Variants in SON observed in about 807,000 individuals in gnomAD.
The protein encoded by SON is protein SON.
In SON, 4 loss-of-function variants were observed where a neutral mutation model predicts 173.3. The ratio of observed to expected loss-of-function variants is 0.02; its 90% CI spans 0.01 to 0.05. The LOEUF is 0.05. SON is among the 10% of genes least tolerant of loss of function. The pLI is 1.00. For missense variants in SON, 2,626 were observed against 3,055.3 expected (o/e 0.86, Z 3.31); for synonymous variants, 1,190 against 1,105.9 (o/e 1.08, Z -1.51).
At chr21:33,573,889 A>G (rs192517985) in intron 9 of SON, among the ~76,000 whole-genome samples, 73 of 152,226 alleles carry the variant, frequency 4.8e-4, no homozygotes, top group Non-Finnish European at 3.1e-4. Context: ...TCTAGATTTC[A>G]TAAACCCTGT....
rs2086040665 is a variant in SON, at chr21:33,559,960, A to G, written c.6657+185A>G. 6.2e-7 allele frequency: 1 copy of G among 1,614,164 alleles called. No individual in the cohort carries two copies. The highest frequency in any genetic ancestry group is 1.3e-5 in the African/African-American group (1 of 75,050). On this transcript the variant is annotated intron_variant, in intron 6 of 11. Coordinates refer to ENST00000356577, the MANE Select transcript of SON (RefSeq NM_138927.4). This position sits in a 1 kb window ranked among gnomAD's most constrained non-coding sequence, Gnocchi z 4.1. ...ATTTGACAGTAACTCGATGCAATTCACTTTGTGGAACCAAGCCACAAAGTG... is the reference window on the plus strand; with the variant it reads ...ATTTGACAGTAACTCGATGCAATTCGCTTTGTGGAACCAAGCCACAAAGTG...
chr21:33,560,026 A>G, intron 6 of SON: 1 of 1,614,140 alleles, frequency 6.2e-7, no homozygotes, highest in Non-Finnish European at 8.5e-7. Context: ...TCACATCCCT[A>G]CCCAACATTG....
chr21:33,575,525 A>C, intron 9 of SON, 71 bp from the exon 10 acceptor site: 1 of 1,078,248 alleles, frequency 9.3e-7, no homozygotes, highest in Non-Finnish European at 1.4e-6. Context: ...TGAGGTTCAG[A>C]CTCCTACAGA....
At position 33,550,716 on chromosome 21, in the gene SON, T is replaced by C; in HGVS notation, c.1485T>C (p.Pro495=). The C allele has an allele frequency of 6.2e-7, 1 of 1,614,132 alleles. No homozygotes were observed. Among genetic ancestry groups the C allele is most frequent in the Non-Finnish European group, 8.5e-7 (1 of 1,180,018 alleles). The change falls in exon 3 of 12, where the codon CCT becomes CCC. Residue 495 remains proline (P), a synonymous_variant. Transcript: ENST00000356577. The part of the protein sequence containing the change: ...VTAAVELPEQ[P]AVTVAMELTE... ...CAGCAGTAGAGTTGCCAGAGCAGCC[T>C]GCGGTAACAGTAGCAATGGAGTTGA...
chr21:33,562,292 C>T (rs2086084570), intron 6 of SON, among the ~76,000 whole-genome samples: 1 of 151,996 alleles, frequency 6.6e-6, no homozygotes, highest in Admixed American at 6.6e-5. Flanking sequence ...CTTTTGATTC[C>T]TTGTTAGAGT....
intron 6 of SON, among the ~76,000 whole-genome samples, chr21:33,566,116 C>T (rs1249151110): frequency 6.6e-6 from 1 of 152,030 alleles, no homozygotes; most frequent in Non-Finnish European, 1.5e-5. Context: ...CTGACTTCCC[C>T]GTATTTGTTA....
intron 6 of SON, 97 bp from the exon 7 acceptor site, chr21:33,567,060 T>C (rs541132887): frequency 6.4e-6 from 4 of 621,102 alleles, no homozygotes; most frequent in Admixed American, 2.7e-5. Flanking sequence ...AAGACTATTA[T>C]TTTGTTTTTG....
chr21:33,573,492 C>T, intron 9 of SON, 37 bp downstream of exon 9: 1 of 1,570,328 alleles, frequency 6.4e-7, no homozygotes, highest in Non-Finnish European at 8.7e-7. Flanking sequence ...ATTAACGTCT[C>T]CTTTAACATT....
In SON at chr21:33,554,464, C is replaced by T; in HGVS notation, c.5233C>T (p.Leu1745Phe). The T allele has an allele frequency of 1.2e-6, 2 of 1,614,154 alleles. No individual in the cohort carries two copies. The highest frequency in any genetic ancestry group is 1.7e-6 in the Non-Finnish European group (2 of 1,180,028). The change falls in exon 3 of 12, where the codon CTT (leucine) becomes TTT (phenylalanine). Residue 1745 changes from leucine (L) to phenylalanine (F), a missense_variant. Physicochemically the swap from Leu to Phe is conservative, Grantham distance 22. Around this residue, in one of 13 missense-constraint regions of SON, gnomAD observed 1,006 missense variants for 895.6 expected, o/e 1.12. Coordinates refer to ENST00000356577, the MANE Select transcript of SON (RefSeq NM_138927.4). ...GTTACTTCCTAAGGACATGGAACGT[C>T]TTACAAGCCTTAGAGCTGGCATTGA... Reference protein sequence around the residue: ...RPLLPKDMERLTSLRAGIEGP... With the variant: ...RPLLPKDMERFTSLRAGIEGP...
In SON at chr21:33,554,910, A is replaced by T; in HGVS notation, c.5679A>T (p.Arg1893Ser). Reference protein sequence around the residue: ...RRSVSKEKRKRSPKHRSKSRE... With the variant: ...RRSVSKEKRKSSPKHRSKSRE... ...CTGTATCAAAAGAGAAGCGCAAAAG[A>T]TCTCCAAAGCACAGATCCAAGTCTA... The change falls in exon 3 of 12, where the codon AGA becomes AGT. Residue 1893 changes from arginine (R) to serine (S), a missense_variant. Arg to Ser is a moderately radical substitution (Grantham distance 110). This residue lies in a region of SON where 1,006 missense variants were observed against 895.6 expected (regional missense o/e 1.12). Transcript: ENST00000356577. 2 of 1,614,174 alleles carry T rather than the reference A, an allele frequency of 1.2e-6. No homozygotes were observed. The highest frequency in any genetic ancestry group is 1.7e-6 in the Non-Finnish European group (2 of 1,180,028).
At chr21:33,567,333 T>C (rs1331721259) in intron 7 of SON, 66 bp downstream of exon 7, 1 of 878,038 alleles carries the variant, frequency 1.1e-6, no homozygotes, top group Non-Finnish European at 1.9e-6. Flanking sequence ...ATGTACCAGT[T>C]TTAATGTCTA....
rs556104430 is a variant in SON at position 33,543,414 on chromosome 21, G to A, written c.77+245G>A. ...ACTCCCTGTTTCAGAACCGAGTTAA[G>A]ATGTTCACCCTTCTCCCCTGTTTGG... On this transcript the variant is annotated intron_variant, in intron 1 of 11. Coordinates refer to ENST00000356577, the MANE Select transcript of SON (RefSeq NM_138927.4). The A allele has an allele frequency of 5.4e-6, 3 of 558,140 alleles. No individual in the cohort carries two copies. In the East Asian group the frequency reaches 9.2e-5, roughly 17 times the overall value. 34.6% of individuals were successfully genotyped at this position (558,140 alleles called of 1,614,324 possible).
Position 33,550,382 on chromosome 21 carries a change from C to G in SON, c.1151C>G (p.Pro384Arg). 6.2e-7 allele frequency: 1 copy of G among 1,614,076 alleles called. No homozygotes were observed. Among genetic ancestry groups the G allele is most frequent in the Non-Finnish European group, 8.5e-7 (1 of 1,180,026 alleles). The change falls in exon 3 of 12, where the codon CCG becomes CGG. Residue 384 changes from proline to arginine, a missense_variant. By Grantham distance (103) the Pro-to-Arg change is moderately radical. This residue lies in a region of SON where 757 missense variants were observed against 730.1 expected (regional missense o/e 1.04). Transcript: ENST00000356577. ...TCGGTGGCCTCAGCGATGGAGTTGC[C>G]GGGGCCACCTGCGACCTCCATGCCG... ...ESSVASAMEL[P>R]GPPATSMPEL...
intron 1 of SON, among the ~76,000 whole-genome samples, chr21:33,544,741 C>T (rs542795819): frequency 2.0e-5 from 3 of 152,242 alleles, no homozygotes; most frequent in East Asian, 3.9e-4. Context: ...TCAGTAAATG[C>T]GGTTAACGAT....
chr21:33,574,109 A>G lies in SON; in HGVS notation c.7033+654A>G, dbSNP rs368985835. On this transcript the variant is annotated intron_variant, in intron 9 of 11. Transcript: ENST00000356577. Reference sequence around the variant, plus strand: ...GTATGTAGTTGCTAAGTATTTAATCATTCCCACAGATGATAGCTAATTGGC... The same window carrying G: ...GTATGTAGTTGCTAAGTATTTAATCGTTCCCACAGATGATAGCTAATTGGC... 3.2e-4 allele frequency among the ~76,000 whole-genome samples: 48 copies of G among 152,336 alleles called. 1 individual carries two copies. In the East Asian group the frequency reaches 3.5e-3, roughly 11 times the overall value.
intron 1 of SON, among the ~76,000 whole-genome samples, chr21:33,544,271 G>A (rs1173673718): frequency 3.9e-5 from 6 of 152,212 alleles, no homozygotes; most frequent in African/African-American, 1.4e-4. Flanking sequence ...TGTTTTTTAA[G>A]TGGAAATAGA....
intron 6 of SON, among the ~76,000 whole-genome samples, chr21:33,564,179 T>A (rs1349485799): frequency 1.3e-5 from 2 of 152,190 alleles, no homozygotes; most frequent in Non-Finnish European, 2.9e-5. Context: ...TTTCTTATAT[T>A]TCCAGTTTCT....
At chr21:33,568,934 T>C (rs769853107) in intron 7 of SON, 37 bp from the exon 8 acceptor site, 1 of 1,250,872 alleles carries the variant, frequency 8.0e-7, no homozygotes, top group South Asian at 1.3e-5. Context: ...AATCAGGTAA[T>C]TTTACTTAGT....
Position 33,546,318 on chromosome 21 carries a change from A to G in SON, c.183A>G (p.Ile61Met). The change falls in exon 2 of 12, where the codon ATA becomes ATG. Residue 61 changes from isoleucine (I) to methionine (M), a missense_variant. Around this residue, in one of 13 missense-constraint regions of SON, gnomAD observed 757 missense variants for 730.1 expected, o/e 1.04. Coordinates refer to ENST00000356577, the MANE Select transcript of SON (RefSeq NM_138927.4). ...ASARSLPNEE[I>M]VQKIEEVLSG... Reference sequence around the variant, plus strand: ...CCAGGAGTCTACCAAATGAAGAAATAGTGCAGAAGATAGAGGAAGTACTTT... The same window carrying G: ...CCAGGAGTCTACCAAATGAAGAAATGGTGCAGAAGATAGAGGAAGTACTTT... The G allele has an allele frequency of 6.2e-7, 1 of 1,613,746 alleles. No individual in the cohort carries two copies. The highest frequency in any genetic ancestry group is 8.5e-7 in the Non-Finnish European group (1 of 1,179,752).
Sources: allele counts gnomAD v4.1 joint callset (sites outside exome capture counted in the v4.1 genomes callset), GRCh38; gene constraint gnomAD v4.1.1; regional missense constraint gnomAD v4.1.1; non-coding constraint Gnocchi (gnomAD v3.1); transcripts MANE v1.5; gene names NCBI Gene and HGNC (gene_info 2026-07-23, HGNC 2026-07-21).